The following CCDC91 variants were observed in gnomAD, a reference collection of about 807,000 sequenced individuals.
CCDC91 encodes the protein coiled-coil domain containing 91, also known as coiled-coil domain-containing protein 91.
A neutral mutation model predicts 63.2 loss-of-function variants in CCDC91; 48 were observed. The ratio of observed to expected loss-of-function variants is 0.76; its 90% CI spans 0.60 to 0.97. The LOEUF (loss-of-function observed/expected upper bound fraction) is 0.97, where lower values mean the gene tolerates loss of function less well. CCDC91 is among the 50% of genes least tolerant of loss of function. The pLI is 0.00. For synonymous variants in CCDC91, 167 were observed against 165.8 expected (o/e 1.01, Z -0.06); for missense variants, 500 against 494.6 (o/e 1.01, Z -0.10).
intron 6 of CCDC91, among the ~76,000 whole-genome samples, chr12:28,332,384 G>C (rs1054752101): frequency 6.6e-6 from 1 of 152,086 alleles, no homozygotes; most frequent in African/African-American, 2.4e-5. Flanking sequence ...GAAAATCCTG[G>C]AGGAGATTCA....
intron 6 of CCDC91, among the ~76,000 whole-genome samples, chr12:28,313,209 T>G (rs748243635): frequency 2.7e-4 from 41 of 152,026 alleles, no homozygotes; most frequent in Non-Finnish European, 5.1e-4. Flanking sequence ...GGTGCCTGCA[T>G]CTCTGTGGTA....
intron 6 of CCDC91, among the ~76,000 whole-genome samples, chr12:28,346,248 G>T (rs566387277): frequency 6.6e-6 from 1 of 152,262 alleles, no homozygotes; most frequent in African/African-American, 2.4e-5. Context: ...ACCCCAGTGC[G>T]TGTTTTTCTG....
intron 6 of CCDC91, among the ~76,000 whole-genome samples, chr12:28,310,910 G>A (rs11611406): frequency 0.42 from 63,209 of 151,752 alleles, 13,460 homozygotes; most frequent in Middle Eastern, 0.49. Flanking sequence ...TGTCATCTCA[G>A]TGTTACTATT....
chr12:28,385,368 G>A (rs552124759), intron 7 of CCDC91, among the ~76,000 whole-genome samples: 2 of 152,230 alleles, frequency 1.3e-5, no homozygotes, highest in East Asian at 1.9e-4. Flanking sequence ...AATTTGTTTA[G>A]TTACTCAATG....
intron 11 of CCDC91, among the ~76,000 whole-genome samples, chr12:28,480,940 G>T (rs1474352237): frequency 2.0e-5 from 3 of 151,898 alleles, no homozygotes; most frequent in African/African-American, 7.2e-5. Context: ...GGATGCTAAA[G>T]CATAACTATA....
At chr12:28,220,358 C>T (rs1943855614) in intron 1 of CCDC91, among the ~76,000 whole-genome samples, 1 of 152,018 alleles carries the variant, frequency 6.6e-6, no homozygotes, top group Non-Finnish European at 1.5e-5. Flanking sequence ...GTTTTATGTA[C>T]AGTGTAAGAA....
At chr12:28,506,860 T>TA (rs539633200) in intron 12 of CCDC91, among the ~76,000 whole-genome samples, 224 of 133,818 alleles carry the variant, frequency 1.7e-3, no homozygotes, top group South Asian at 5.4e-3. Flanking sequence ...CCTTCAGGGG[T>TA]AAAAAAAAAA....
intron 8 of CCDC91, among the ~76,000 whole-genome samples, chr12:28,394,349 T>C (rs542948341): frequency 2.9e-4 from 44 of 151,938 alleles, no homozygotes; most frequent in Admixed American, 5.9e-4. Flanking sequence ...ACCTGTAGTC[T>C]CAGCTACTCC....
intron 11 of CCDC91, among the ~76,000 whole-genome samples, chr12:28,456,812 C>A (rs979997865): frequency 1.3e-5 from 2 of 151,916 alleles, no homozygotes; most frequent in Non-Finnish European, 2.9e-5. Flanking sequence ...GTTGAGTAGG[C>A]AGTTAGAAAT....
At chr12:28,483,979 A>C in intron 11 of CCDC91, 73 bp from the exon 12 acceptor site, 1 of 781,536 alleles carries the variant, frequency 1.3e-6, no homozygotes, top group South Asian at 1.7e-5. Flanking sequence ...GAGGATGTTT[A>C]GTTTATATGA....
chr12:28,235,886 G>A (rs1293043691), intron 1 of CCDC91, among the ~76,000 whole-genome samples: 3 of 151,884 alleles, frequency 2.0e-5, no homozygotes, highest in Non-Finnish European at 2.9e-5. Context: ...TAAATATAGT[G>A]TCTTATATCA....
intron 1 of CCDC91, among the ~76,000 whole-genome samples, chr12:28,201,811 C>T (rs999918417): frequency 3.7e-4 from 54 of 145,106 alleles, no homozygotes; most frequent in African/African-American, 1.1e-3. Flanking sequence ...GGATCACTCG[C>T]GGCTAGGAGC....
chr12:28,520,619 C>A (rs550427664), intron 12 of CCDC91, among the ~76,000 whole-genome samples: 1 of 151,864 alleles, frequency 6.6e-6, no homozygotes, highest in Non-Finnish European at 1.5e-5. Flanking sequence ...CCATTGCTTT[C>A]GGTGTTTTAG....
At chr12:28,498,564 C>T (rs1423944290) in intron 12 of CCDC91, among the ~76,000 whole-genome samples, 3 of 151,604 alleles carry the variant, frequency 2.0e-5, no homozygotes, top group African/African-American at 7.3e-5. Context: ...GTGAAAAAGC[C>T]TATTTCTCCC....
At chr12:28,427,323 T>C (rs982619822) in intron 8 of CCDC91, among the ~76,000 whole-genome samples, 1 of 152,160 alleles carries the variant, frequency 6.6e-6, no homozygotes, top group Admixed American at 6.6e-5. Flanking sequence ...ACCTGAAGAA[T>C]AGGCCTTTCC....
intron 3 of CCDC91, among the ~76,000 whole-genome samples, chr12:28,275,577 T>G (rs1156358098): frequency 1.3e-5 from 2 of 152,148 alleles, no homozygotes; most frequent in African/African-American, 4.8e-5. Flanking sequence ...TCTGAAACTA[T>G]TCCAATCAAT....
intron 8 of CCDC91, among the ~76,000 whole-genome samples, chr12:28,440,054 T>A (rs1334057704): frequency 6.6e-6 from 1 of 152,202 alleles, no homozygotes; most frequent in East Asian, 1.9e-4. Flanking sequence ...TAATAAACTC[T>A]TCACTATTTT....
chr12:28,421,560 GTCTT>G (rs1948013330), intron 8 of CCDC91, among the ~76,000 whole-genome samples: 2 of 144,776 alleles, frequency 1.4e-5, no homozygotes, highest in South Asian at 4.4e-4. Flanking sequence ...TTTTTTTTAT[GTCTT>G]TCTTTTTTAT....
intron 1 of CCDC91, among the ~76,000 whole-genome samples, chr12:28,208,998 A>C (rs1395696725): frequency 6.6e-6 from 1 of 151,268 alleles, no homozygotes; most frequent in Admixed American, 6.6e-5. Flanking sequence ...AGTAGAGATG[A>C]GGTTTCACCA....
Sources: gnomAD v4.1 joint callset for allele counts (sites outside exome capture counted in the v4.1 genomes callset) on GRCh38, gnomAD v4.1.1 for gene constraint, MANE v1.5 for transcripts, NCBI Gene and HGNC (gene_info 2026-07-23, HGNC 2026-07-21) for gene names.